HYCC2: variants seen among roughly 807,000 people sequenced by gnomAD.
The protein encoded by HYCC2 is hyccin 2.
chr2:200,990,879 G>T, the HYCC2 span, among the ~76,000 whole-genome samples: 2 of 151,456 alleles, frequency 1.3e-5, no homozygotes, highest in Admixed American at 6.6e-5. Context: ...CTTAAATTTT[G>T]TATTTTTTTG....
At chr2:201,029,002 T>C in the HYCC2 span, among the ~76,000 whole-genome samples, 5 of 152,018 alleles carry the variant, frequency 3.3e-5, no homozygotes, top group South Asian at 2.1e-4. Flanking sequence ...AAGAAACTAC[T>C]GTCAGAGTGA....
chr2:201,059,033 C>G, the HYCC2 span, among the ~76,000 whole-genome samples: 2 of 152,168 alleles, frequency 1.3e-5, no homozygotes, highest in African/African-American at 4.8e-5. Flanking sequence ...CTTTCTCCAG[C>G]CTTCAAACTC....
chr2:201,035,673 G>A, the HYCC2 span, among the ~76,000 whole-genome samples: 3 of 152,134 alleles, frequency 2.0e-5, no homozygotes, highest in East Asian at 5.8e-4. Context: ...AGGAGGAGAG[G>A]TGCTCTGATT....
At chr2:201,039,260 A>G in the HYCC2 span, among the ~76,000 whole-genome samples, 1 of 152,154 alleles carries the variant, frequency 6.6e-6, no homozygotes, top group African/African-American at 2.4e-5. Flanking sequence ...TGGAATCTGT[A>G]CTTTACAGGG....
At chr2:201,025,372 C>T in the HYCC2 span, among the ~76,000 whole-genome samples, 12 of 151,904 alleles carry the variant, frequency 7.9e-5, no homozygotes, top group African/African-American at 2.9e-4. Context: ...TCCAGATGTA[C>T]ACCCACTTTA....
the HYCC2 span, among the ~76,000 whole-genome samples, chr2:201,046,204 A>C: frequency 3.9e-5 from 6 of 152,344 alleles, no homozygotes; most frequent in South Asian, 1.2e-3. Flanking sequence ...AATTGCTAAA[A>C]TGGAGACTTT....
chr2:201,037,427 T>C, the HYCC2 span, among the ~76,000 whole-genome samples: 2 of 152,204 alleles, frequency 1.3e-5, no homozygotes, highest in African/African-American at 2.4e-5. Context: ...AGAGCCCGCA[T>C]TGCCAAGTCA....
At chr2:201,039,801 G>A in the HYCC2 span, among the ~76,000 whole-genome samples, 1 of 152,066 alleles carries the variant, frequency 6.6e-6, no homozygotes, top group Admixed American at 6.6e-5. Flanking sequence ...TTACTTGGCT[G>A]GTCGCTGAAA....
the HYCC2 span, among the ~76,000 whole-genome samples, chr2:201,007,655 C>T: frequency 6.6e-6 from 1 of 152,134 alleles, no homozygotes. Flanking sequence ...ACTGGTAACA[C>T]CAGAACTTCA....
At chr2:200,985,669 T>A in the HYCC2 span, among the ~76,000 whole-genome samples, 13 of 151,836 alleles carry the variant, frequency 8.6e-5, no homozygotes, top group East Asian at 1.9e-4. Context: ...CTCAAAAAAA[T>A]AAATAAATAA....
At chr2:200,988,333 G>C in the HYCC2 span, 1 of 1,613,814 alleles carries the variant, frequency 6.2e-7, no homozygotes, top group South Asian at 1.1e-5. Context: ...CGGCACTGTT[G>C]GAGTGACTTC....
chr2:200,995,385 C>T, the HYCC2 span, among the ~76,000 whole-genome samples: 1 of 152,172 alleles, frequency 6.6e-6, no homozygotes, highest in African/African-American at 2.4e-5. Context: ...CTGGTATTCA[C>T]ACTGTGTCAT....
At chr2:201,013,388 T>C in the HYCC2 span, among the ~76,000 whole-genome samples, 2 of 151,706 alleles carry the variant, frequency 1.3e-5, no homozygotes, top group African/African-American at 2.4e-5. Context: ...GAGAATCACT[T>C]GAACCCCGGA....
At chr2:201,017,226 T>C in the HYCC2 span, 2 of 684,750 alleles carry the variant, frequency 2.9e-6, no homozygotes, top group Non-Finnish European at 4.0e-6. Flanking sequence ...GTAACTGTTG[T>C]TTTTTTTTTT....
At chr2:201,063,174 G>A in the HYCC2 span, 1 of 1,610,010 alleles carries the variant, frequency 6.2e-7, no homozygotes, top group South Asian at 1.1e-5. Context: ...ACCGATGAGA[G>A]CCTGAGGAGC....
At chr2:201,071,411 C>G in the HYCC2 span, 7 of 152,616 alleles carry the variant, frequency 4.6e-5, no homozygotes, top group Admixed American at 3.9e-4. Flanking sequence ...CCACCCGCCT[C>G]GGCTGCCGCC....
At chr2:201,049,953 G>C in the HYCC2 span, among the ~76,000 whole-genome samples, 1 of 152,050 alleles carries the variant, frequency 6.6e-6, no homozygotes, top group African/African-American at 2.4e-5. Flanking sequence ...TCCTGCCTCA[G>C]CCTGCCAAAG....
At chr2:201,016,901 A>C in the HYCC2 span, 9 of 1,359,176 alleles carry the variant, frequency 6.6e-6, no homozygotes, top group Non-Finnish European at 9.1e-6. Flanking sequence ...GCGCCTGGCC[A>C]ATTTATTTTT....
the HYCC2 span, among the ~76,000 whole-genome samples, chr2:200,987,158 A>T: frequency 2.6e-5 from 4 of 152,218 alleles, no homozygotes; most frequent in Admixed American, 2.6e-4. Flanking sequence ...TGCAGACTCC[A>T]GGCCAGCACA....
Sources: gnomAD v4.1 joint callset for allele counts (sites outside exome capture counted in the v4.1 genomes callset) on GRCh38, gnomAD v4.1.1 for gene constraint, MANE v1.5 for transcripts, NCBI Gene and HGNC (gene_info 2026-07-23, HGNC 2026-07-21) for gene names.